Variants in ZKSCAN5 observed in about 807,000 individuals in gnomAD.
The protein encoded by ZKSCAN5 is zinc finger protein with KRAB and SCAN domains 5.
ZKSCAN5 carries 28 observed loss-of-function variants against 60.0 expected under a neutral mutation model. That is an observed-to-expected ratio of 0.47 (90% CI 0.35 to 0.64). The LOEUF (loss-of-function observed/expected upper bound fraction) is 0.64, where lower values mean the gene tolerates loss of function less well. ZKSCAN5 is among the 30% of genes least tolerant of loss of function. The probability of loss-of-function intolerance (pLI) is 0.01; values close to 1 mark genes in which losing one functional copy is unlikely to be tolerated. For synonymous variants in ZKSCAN5, 361 were observed against 371.2 expected, an observed-to-expected ratio of 0.97 and a Z score of 0.31; for missense variants, 881 against 1,034.6, an observed-to-expected ratio of 0.85 and a Z score of 2.04.
chr7:99,533,329 A>T lies in ZKSCAN5; in HGVS notation c.*1080A>T. ...GTGGGAGTTTTGAGTGGGAAAGAGGATGACATGTGTGAGAGAGTTCTGAGC... is the reference window on the plus strand; with the variant it reads ...GTGGGAGTTTTGAGTGGGAAAGAGGTTGACATGTGTGAGAGAGTTCTGAGC... On this transcript the variant is annotated 3_prime_UTR_variant, in exon 7 of 7. Coordinates refer to ENST00000326775, the MANE Select transcript of ZKSCAN5 (RefSeq NM_145102.4). 1 of 646,126 alleles carries T rather than the reference A, an allele frequency of 1.5e-6. No individual in the cohort carries two copies. Among genetic ancestry groups the T allele is most frequent in the Non-Finnish European group, 2.9e-6 (1 of 350,398 alleles). The allele number at this position is 646,126 out of a possible 1,614,324, so 40.0% of individuals were successfully genotyped here.
In ZKSCAN5 at chr7:99,519,271, GTA is replaced by G. The variant is rs751172248; in HGVS notation, c.554-554_554-553del. Among the ~76,000 whole-genome samples, 5 of 128,468 alleles carry G rather than the reference GTA, an allele frequency of 3.9e-5. No individual in the cohort carries two copies. The East Asian group carries it at 9.2e-4, about 24-fold the overall frequency. 84.3% of individuals were successfully genotyped at this position (128,468 alleles called of 152,430 possible). A position where few individuals can be genotyped will look rare whatever the true frequency, so the allele number is the denominator to read the frequency against. On this transcript the variant is annotated intron_variant, in intron 3 of 6. Coordinates refer to ENST00000326775, the MANE Select transcript of ZKSCAN5 (RefSeq NM_145102.4). ...TTACAGGCGTGAGCCACCACGCCCA[GTA>G]TTTTTTTTTTTTTTTTTTTTCTGAG...
rs1414600908 is a variant in ZKSCAN5 at position 99,506,204 on chromosome 7, A to T, written c.160A>T (p.Arg54Trp). Reference sequence around the variant, plus strand: ...GTTTGAGACTTTTTACCAGCGCTTCAGGCACTTCCAGTACCATGAGGCTTC... The same window carrying T: ...GTTTGAGACTTTTTACCAGCGCTTCTGGCACTTCCAGTACCATGAGGCTTC... ...PTFETFYQRF[R>W]HFQYHEASGP... Residue 54 changes from arginine to tryptophan, a missense_variant, in exon 2 of 7, where the codon AGG (arginine) becomes TGG (tryptophan). This residue lies in a region of ZKSCAN5 where 88 missense variants were observed against 65.2 expected (regional missense o/e 1.35). Coordinates refer to ENST00000326775, the MANE Select transcript of ZKSCAN5 (RefSeq NM_145102.4). 2 of 1,614,214 alleles carry T rather than the reference A, an allele frequency of 1.2e-6. No individual in the cohort carries two copies. Among genetic ancestry groups the T allele is most frequent in the Non-Finnish European group, 1.7e-6 (2 of 1,180,042 alleles).
chr7:99,509,134 A>G (rs1800904117), intron 2 of ZKSCAN5, among the ~76,000 whole-genome samples: 1 of 151,936 alleles, frequency 6.6e-6, no homozygotes, highest in Admixed American at 6.6e-5. Flanking sequence ...GATTACAGAC[A>G]TGCACCACCA....
In ZKSCAN5 at chr7:99,506,199, G is replaced by A; in HGVS notation, c.155G>A (p.Arg52His). 1.2e-6 allele frequency: 2 copies of A among 1,614,170 alleles called. No homozygotes were observed. Among genetic ancestry groups the A allele is most frequent in the South Asian group, 2.2e-5 (2 of 91,084 alleles). Residue 52 changes from arginine (R) to histidine (H), a missense_variant, in exon 2 of 7, where the codon CGC becomes CAC. Physicochemically the swap from Arg to His is conservative, Grantham distance 29 (BLOSUM62 0). This residue lies in a region of ZKSCAN5 where 88 missense variants were observed against 65.2 expected (regional missense o/e 1.35). Coordinates refer to ENST00000326775, the MANE Select transcript of ZKSCAN5 (RefSeq NM_145102.4). ...CCAACGTTTGAGACTTTTTACCAGC[G>A]CTTCAGGCACTTCCAGTACCATGAG... ...NPPTFETFYQRFRHFQYHEAS... is the reference protein window; with the variant it reads ...NPPTFETFYQHFRHFQYHEAS...
At position 99,519,911 on chromosome 7, in the gene ZKSCAN5, TG is replaced by T. The variant is rs762673657; in HGVS notation, c.636+3del. The T allele has an allele frequency of 6.2e-7, 1 of 1,614,062 alleles. No individual in the cohort carries two copies. The highest frequency in any genetic ancestry group is 1.1e-5 in the South Asian group (1 of 91,088). On this transcript the variant is annotated splice_donor_region_variant and intron_variant, in intron 4 of 6. Coordinates refer to ENST00000326775, the MANE Select transcript of ZKSCAN5 (RefSeq NM_145102.4). ...TCACTTCTCTCAACTGGGTCCCAGG[TG>T]AGCTGGTGCCCCTTTGCCCTCAGAG... is the stretch of plus-strand genomic sequence containing the variant.
chr7:99,516,134 C>T (rs919236827), intron 3 of ZKSCAN5, among the ~76,000 whole-genome samples: 6 of 152,022 alleles, frequency 3.9e-5, no homozygotes, highest in East Asian at 1.9e-4. Flanking sequence ...TGTGCCACCA[C>T]GCCTGGCCAC....
intron 4 of ZKSCAN5, 100 bp downstream of exon 4, chr7:99,520,009 C>CCTT: frequency 1.3e-6 from 2 of 1,507,840 alleles, no homozygotes; most frequent in Non-Finnish European, 1.8e-6. Flanking sequence ...TGGGTTGGTA[C>CCTT]CTTCATTCCT....
At chr7:99,518,163 T>G (rs1316787434) in intron 3 of ZKSCAN5, among the ~76,000 whole-genome samples, 4 of 152,060 alleles carry the variant, frequency 2.6e-5, no homozygotes, top group African/African-American at 7.2e-5. Context: ...GCACAGTGGC[T>G]CACACCTGTA....
intron 3 of ZKSCAN5, among the ~76,000 whole-genome samples, chr7:99,514,163 C>T (rs1801164520): frequency 6.6e-6 from 1 of 152,182 alleles, no homozygotes; most frequent in African/African-American, 2.4e-5. Context: ...TGATGAAGTC[C>T]TTGCTGTTGA....
At position 99,520,310 on chromosome 7, in the gene ZKSCAN5, G is replaced by C. The variant is rs750476698; in HGVS notation, c.772+6G>C. On this transcript the variant is annotated splice_donor_region_variant and intron_variant, in intron 5 of 6. Transcript: ENST00000326775. ...TGGGAGTATTACTTCCATGGGTAAG[G>C]ATTATTTCATCTGCATGGATTAGGA... The C allele has an allele frequency of 7.5e-6, 12 of 1,609,026 alleles. No homozygotes were observed. In the East Asian group the frequency reaches 1.6e-4, roughly 21 times the overall value.
At chr7:99,531,052 A>C in intron 6 of ZKSCAN5, 56 bp from the exon 7 acceptor site, 1 of 1,470,330 alleles carries the variant, frequency 6.8e-7, no homozygotes, top group Non-Finnish European at 9.2e-7. Context: ...GCAAGACCCC[A>C]TCTCAAAAAA....
chr7:99,533,286 C>A lies in ZKSCAN5; in HGVS notation c.*1037C>A. 1.5e-6 allele frequency: 1 copy of A among 674,094 alleles called. No individual in the cohort carries two copies. Among genetic ancestry groups the A allele is most frequent in the Non-Finnish European group, 2.7e-6 (1 of 366,620 alleles). 41.8% of individuals were successfully genotyped at this position (674,094 alleles called of 1,614,324 possible). A position where few individuals can be genotyped will look rare whatever the true frequency, so the allele number is the denominator to read the frequency against. On this transcript the variant is annotated 3_prime_UTR_variant, in exon 7 of 7. Coordinates refer to ENST00000326775, the MANE Select transcript of ZKSCAN5 (RefSeq NM_145102.4). Reference sequence around the variant, plus strand: ...CAGGCAGGAGGTCCTGTTAGCCCTGCCTTCCAGGAAGGTTGGGGTGGGAGT... The same window carrying A: ...CAGGCAGGAGGTCCTGTTAGCCCTGACTTCCAGGAAGGTTGGGGTGGGAGT...
chr7:99,524,409 G>A (rs187344867), intron 5 of ZKSCAN5, among the ~76,000 whole-genome samples: 13 of 151,980 alleles, frequency 8.6e-5, no homozygotes, highest in East Asian at 1.9e-4. Context: ...ACGGGGTTTC[G>A]CTGTGTTGGT....
Position 99,510,412 on chromosome 7 carries a change from G to A in ZKSCAN5, c.415-2041G>A, listed in dbSNP as rs550450233. 1.4e-4 allele frequency among the ~76,000 whole-genome samples: 21 copies of A among 151,198 alleles called. No homozygotes were observed. The South Asian group carries it at 4.4e-3, about 32-fold the overall frequency. On this transcript the variant is annotated intron_variant, in intron 2 of 6. Transcript: ENST00000326775. The stretch of plus-strand genomic sequence containing the variant: ...TTAAGTATTTCATTTTATGGTTAAT[G>A]GATTTTGTTTATTTTTTATTTTTAT...
chr7:99,533,283 C>A lies in ZKSCAN5; in HGVS notation c.*1034C>A. 1 of 679,896 alleles carries A rather than the reference C, an allele frequency of 1.5e-6. No individual in the cohort carries two copies. The allele number at this position is 679,896 out of a possible 1,614,324, so 42.1% of individuals were successfully genotyped here. ...AGGCAGGCAGGAGGTCCTGTTAGCCCTGCCTTCCAGGAAGGTTGGGGTGGG... is the reference window on the plus strand; with the variant it reads ...AGGCAGGCAGGAGGTCCTGTTAGCCATGCCTTCCAGGAAGGTTGGGGTGGG... On this transcript the variant is annotated 3_prime_UTR_variant, in exon 7 of 7. Coordinates refer to ENST00000326775, the MANE Select transcript of ZKSCAN5 (RefSeq NM_145102.4).
chr7:99,505,928 C>A, intron 1 of ZKSCAN5, 77 bp from the exon 2 acceptor site: 1 of 1,232,106 alleles, frequency 8.1e-7, no homozygotes. Flanking sequence ...ATAATGATGC[C>A]CAATACATCA....
In ZKSCAN5 at chr7:99,523,606, A is replaced by AAATCAATCAATCAATC. The variant is rs58654797; in HGVS notation, c.773-2191_773-2176dup. On this transcript the variant is annotated intron_variant, in intron 5 of 6. Transcript: ENST00000326775. ...GGGTGACAGAGCAAGACCCAGTCTC[A>AAATCAATCAATCAATC]AATCAATCAATCAATCAATCAATCA... Among the ~76,000 whole-genome samples the AAATCAATCAATCAATC allele has an allele frequency of 2.8e-3, 405 of 143,136 alleles. 1 individual carries two copies. Among genetic ancestry groups the AAATCAATCAATCAATC allele is most frequent in the African/African-American group, 9.6e-3 (393 of 40,760 alleles). 93.9% of individuals were successfully genotyped at this position (143,136 alleles called of 152,430 possible).
In ZKSCAN5 at chr7:99,526,102, C is replaced by T. The variant is rs115361099; in HGVS notation, c.1062C>T (p.Phe354=). Residue 354 remains phenylalanine (F), a synonymous_variant, in exon 6 of 7, where the codon TTC becomes TTT. Coordinates refer to ENST00000326775, the MANE Select transcript of ZKSCAN5 (RefSeq NM_145102.4). ...RGHRCSDCGK[F]FLQASNFIQH... is the part of the protein sequence containing the mutation. ...ACAGATGCAGCGATTGTGGCAAATT[C>T]TTCCTCCAAGCCTCAAACTTTATTC... is the stretch of plus-strand genomic sequence containing the variant. The T allele has an allele frequency of 1.2e-6, 2 of 1,614,212 alleles. No individual in the cohort carries two copies. The highest frequency in any genetic ancestry group is 2.2e-5 in the South Asian group (2 of 91,086).
At chr7:99,509,972 C>G (rs1800942407) in intron 2 of ZKSCAN5, among the ~76,000 whole-genome samples, 1 of 151,674 alleles carries the variant, frequency 6.6e-6, no homozygotes, top group African/African-American at 2.4e-5. Flanking sequence ...AGAGATAGGG[C>G]CTCACTCCGT....
Sources: allele counts gnomAD v4.1 joint callset (sites outside exome capture counted in the v4.1 genomes callset), GRCh38; gene constraint gnomAD v4.1.1; regional missense constraint gnomAD v4.1.1; transcripts MANE v1.5; gene names NCBI Gene and HGNC (gene_info 2026-07-23, HGNC 2026-07-21).